Variants in ERGIC1 observed in about 807,000 individuals in gnomAD.
The protein encoded by ERGIC1 is endoplasmic reticulum-Golgi intermediate compartment protein 1.
Under a neutral mutation model 38.3 loss-of-function variants are expected in ERGIC1, and 19 were observed. The ratio of observed to expected loss-of-function variants is 0.50; its 90% CI spans 0.35 to 0.73. The LOEUF (loss-of-function observed/expected upper bound fraction) is 0.73. Among genes scored for constraint, ERGIC1 ranks in the 30% least tolerant of loss-of-function variants. The pLI is 0.01. For missense variants in ERGIC1, 294 were observed against 389.2 expected (o/e 0.76, Z 2.06); for synonymous variants, 124 against 157.6 (o/e 0.79, Z 1.60).
intron 1 of ERGIC1, among the ~76,000 whole-genome samples, chr5:172,872,342 G>C (rs149389952): frequency 1.1e-4 from 16 of 152,278 alleles, no homozygotes; most frequent in African/African-American, 3.9e-4. Context: ...TGGTTTTGAG[G>C]ATCAGATTTG....
chr5:172,876,100 T>A (rs6863594), intron 1 of ERGIC1, among the ~76,000 whole-genome samples: 1 of 151,942 alleles, frequency 6.6e-6, no homozygotes, highest in African/African-American at 2.4e-5. Flanking sequence ...GGCTTTCTTC[T>A]CTTTGAGATG....
At chr5:172,888,186 C>G (rs933849733) in intron 1 of ERGIC1, among the ~76,000 whole-genome samples, 1 of 152,162 alleles carries the variant, frequency 6.6e-6, no homozygotes, top group Non-Finnish European at 1.5e-5. Flanking sequence ...GGAGGGTCAT[C>G]TGGTGGTTCA....
intron 1 of ERGIC1, among the ~76,000 whole-genome samples, chr5:172,838,166 G>A (rs751157186): frequency 6.6e-6 from 1 of 152,238 alleles, no homozygotes; most frequent in Admixed American, 6.5e-5. Flanking sequence ...TAGAGTAGAT[G>A]TAGGGGCAAG....
chr5:172,887,305 G>A (rs992203922), intron 1 of ERGIC1, among the ~76,000 whole-genome samples: 5 of 152,218 alleles, frequency 3.3e-5, no homozygotes, highest in African/African-American at 1.2e-4. Flanking sequence ...GGACTAAGGA[G>A]GGTTCTGTCG....
intron 1 of ERGIC1, among the ~76,000 whole-genome samples, chr5:172,864,987 C>T (rs1160843743): frequency 2.0e-5 from 3 of 151,760 alleles, no homozygotes; most frequent in Non-Finnish European, 2.9e-5. Context: ...CCTTGCTCAA[C>T]GCTCTTCCCA....
intron 1 of ERGIC1, among the ~76,000 whole-genome samples, chr5:172,883,856 C>T (rs933530727): frequency 2.0e-5 from 3 of 152,116 alleles, no homozygotes; most frequent in Non-Finnish European, 2.9e-5. Flanking sequence ...GATGGTGCAT[C>T]CCTGTAGTCC....
chr5:172,904,842 T>C (rs1762977582), intron 3 of ERGIC1, among the ~76,000 whole-genome samples: 1 of 152,170 alleles, frequency 6.6e-6, no homozygotes, highest in Middle Eastern at 3.2e-3. Context: ...ATTGTGTTTA[T>C]CTCACAGCCT....
In ERGIC1 at chr5:172,895,243, C is replaced by A. The variant is rs536559599; in HGVS notation, c.83-1759C>A. ...GCTCAGGTAATTATTACCTGCCGGG[C>A]TCTGTTTCAAGCTCAATCCTTGTGT... On this transcript the variant is annotated intron_variant, in intron 2 of 9. Transcript: ENST00000393784. Among the ~76,000 whole-genome samples, 124 of 152,328 alleles carry A rather than the reference C, an allele frequency of 8.1e-4. 1 individual carries two copies. In the Middle Eastern group the frequency reaches 0.01, roughly 13 times the overall value.
intron 1 of ERGIC1, among the ~76,000 whole-genome samples, chr5:172,886,720 A>G (rs993992232): frequency 6.6e-5 from 10 of 152,208 alleles, no homozygotes; most frequent in African/African-American, 2.4e-4. Context: ...TGAGATAGTT[A>G]CTGTTGTTGC....
At chr5:172,849,039 T>C (rs909814667) in intron 1 of ERGIC1, among the ~76,000 whole-genome samples, 1 of 152,188 alleles carries the variant, frequency 6.6e-6, no homozygotes, top group African/African-American at 2.4e-5. Context: ...AGAAGACACC[T>C]GACATTCCAC....
Position 172,837,382 on chromosome 5 carries a change from T to A in ERGIC1, c.20+2949T>A, listed in dbSNP as rs1761062191. ...TGGCCGCCATATTTATTTGTGTCAT[T>A]TTATTTAAGCACCCATCATCTCCTA... is the stretch of plus-strand genomic sequence containing the variant. On this transcript the variant is annotated intron_variant, in intron 1 of 9. Transcript: ENST00000393784. This position sits in a 1 kb window ranked among gnomAD's most constrained non-coding sequence, Gnocchi z 4.3. Among the ~76,000 whole-genome samples the A allele has an allele frequency of 1.3e-5, 2 of 152,206 alleles. No individual in the cohort carries two copies. Among genetic ancestry groups the A allele is most frequent in the African/African-American group, 4.8e-5 (2 of 41,446 alleles).
At chr5:172,835,935 G>A (rs1438529051) in intron 1 of ERGIC1, among the ~76,000 whole-genome samples, 1 of 152,154 alleles carries the variant, frequency 6.6e-6, no homozygotes, top group African/African-American at 2.4e-5. Flanking sequence ...AGCTGTGGTC[G>A]GCACATCAAT....
At chr5:172,865,190 G>C (rs1380347859) in intron 1 of ERGIC1, among the ~76,000 whole-genome samples, 1 of 151,148 alleles carries the variant, frequency 6.6e-6, no homozygotes, top group Non-Finnish European at 1.5e-5. Flanking sequence ...AAGTAGCTGG[G>C]ATTACAGGCG....
chr5:172,894,611 G>C (rs922724335), intron 2 of ERGIC1, among the ~76,000 whole-genome samples: 58 of 152,330 alleles, frequency 3.8e-4, no homozygotes, highest in Middle Eastern at 3.4e-3. Context: ...CGGAGCCTAA[G>C]TTCTTGAGGT....
chr5:172,905,776 T>A (rs977946397), intron 3 of ERGIC1, among the ~76,000 whole-genome samples: 3 of 152,158 alleles, frequency 2.0e-5, no homozygotes, highest in Non-Finnish European at 4.4e-5. Flanking sequence ...CAAGACTTAA[T>A]AGAGTGAAAA....
At chr5:172,854,658 C>T (rs992783005) in intron 1 of ERGIC1, among the ~76,000 whole-genome samples, 2 of 152,250 alleles carry the variant, frequency 1.3e-5, no homozygotes, top group Non-Finnish European at 2.9e-5. Context: ...CTGGCCAGGG[C>T]CGGTTCCCGC....
intron 1 of ERGIC1, among the ~76,000 whole-genome samples, chr5:172,870,681 A>G (rs1761981455): frequency 6.6e-6 from 1 of 152,256 alleles, no homozygotes; most frequent in African/African-American, 2.4e-5. Context: ...TGAAGAAAGC[A>G]CAAGTTGAGG....
intron 1 of ERGIC1, among the ~76,000 whole-genome samples, chr5:172,870,578 A>C (rs1761978718): frequency 6.6e-6 from 1 of 152,218 alleles, no homozygotes; most frequent in Non-Finnish European, 1.5e-5. Context: ...TTTCCTCTCT[A>C]TGAATCATAA....
At chr5:172,869,414 C>T (rs1010639795) in intron 1 of ERGIC1, among the ~76,000 whole-genome samples, 1 of 152,210 alleles carries the variant, frequency 6.6e-6, no homozygotes, top group Non-Finnish European at 1.5e-5. Context: ...AGCCATGACT[C>T]ACACCGAGTG....
Sources: allele counts gnomAD v4.1 joint callset (sites outside exome capture counted in the v4.1 genomes callset), GRCh38; gene constraint gnomAD v4.1.1; non-coding constraint Gnocchi (gnomAD v3.1); transcripts MANE v1.5; gene names NCBI Gene and HGNC (gene_info 2026-07-23, HGNC 2026-07-21).